HACD3: variants seen among roughly 807,000 people sequenced by gnomAD.
HACD3 encodes very-long-chain (3R)-3-hydroxyacyl-CoA dehydratase 3.
HACD3 carries 30 observed loss-of-function variants against 55.2 expected under a neutral mutation model. The ratio of observed to expected loss-of-function variants is 0.54; its 90% CI spans 0.41 to 0.74. HACD3 has a LOEUF of 0.74. Ranked by LOEUF, HACD3 falls within the 30% of genes least tolerant of loss-of-function variation. HACD3 has a pLI of 0.00. For synonymous variants in HACD3, 141 were observed against 151.7 expected, an observed-to-expected ratio of 0.93 and a Z score of 0.52; for missense variants, 363 against 440.1, an observed-to-expected ratio of 0.82 and a Z score of 1.57.
Position 65,558,717 on chromosome 15 carries a change from A to G in HACD3, c.407A>G (p.Glu136Gly). The change falls in exon 5 of 11, where the codon GAA becomes GGA. Residue 136 changes from glutamate to glycine, a missense_variant. By Grantham distance (98) the Glu-to-Gly change is moderately conservative (BLOSUM62 -2). Coordinates refer to ENST00000261875, the MANE Select transcript of HACD3 (RefSeq NM_016395.4). ...ERLNKLRLES[E>G]GSPETLTNLR... is the part of the protein sequence containing the mutation. Reference sequence around the variant, plus strand: ...CTAAATAAACTCCGACTGGAAAGCGAAGGCTCTCCTGAAAGTAAGTTGTGC... The same window carrying G: ...CTAAATAAACTCCGACTGGAAAGCGGAGGCTCTCCTGAAAGTAAGTTGTGC... 1 of 1,601,982 alleles carries G rather than the reference A, an allele frequency of 6.2e-7. No homozygotes were observed. The highest frequency in any genetic ancestry group is 8.5e-7 in the Non-Finnish European group (1 of 1,174,004).
At chr15:65,546,426 G>A (rs1415373765) in intron 1 of HACD3, among the ~76,000 whole-genome samples, 1 of 152,094 alleles carries the variant, frequency 6.6e-6, no homozygotes, top group African/African-American at 2.4e-5. Flanking sequence ...TATGATGTCT[G>A]CAGCTCATTT....
intron 10 of HACD3, among the ~76,000 whole-genome samples, 163 bp downstream of exon 10, chr15:65,572,529 G>A (rs2072358065): frequency 6.6e-6 from 1 of 152,114 alleles, no homozygotes; most frequent in African/African-American, 2.4e-5. Flanking sequence ...GCTATGGTAA[G>A]GAAATATTTC....
chr15:65,547,854 G>C (rs2072092506), intron 1 of HACD3, among the ~76,000 whole-genome samples: 1 of 152,212 alleles, frequency 6.6e-6, no homozygotes. Flanking sequence ...TGAGGCATTA[G>C]GTATATGGAA....
chr15:65,555,458 TC>T (rs2072180032), intron 3 of HACD3, among the ~76,000 whole-genome samples: 1 of 152,286 alleles, frequency 6.6e-6, no homozygotes, highest in Admixed American at 6.5e-5. Context: ...CATCAAAACT[TC>T]CCTTCCCTTA....
chr15:65,543,373 T>C (rs1244206706), intron 1 of HACD3, among the ~76,000 whole-genome samples: 1 of 152,180 alleles, frequency 6.6e-6, no homozygotes, highest in Non-Finnish European at 1.5e-5. Flanking sequence ...TTTTTTCTTA[T>C]TTTCCACAGG....
Position 65,576,571 on chromosome 15 carries a change from T to TACAATAA in HACD3, c.*192_*193insACAATAA, listed in dbSNP as rs2072403560. 3.1e-6 allele frequency: 2 copies of TACAATAA among 637,228 alleles called. No homozygotes were observed. The highest frequency in any genetic ancestry group is 5.7e-5 in the East Asian group (2 of 35,272). The allele number at this position is 637,228 out of a possible 1,614,324, so 39.5% of individuals were successfully genotyped here. The stretch of plus-strand genomic sequence containing the variant: ...GTAGTACTTGCATGACATGGATTCC[T>TACAATAA]GATATCTGATGAGAGGTTCATTCTT... On this transcript the variant is annotated 3_prime_UTR_variant, in exon 11 of 11. Coordinates refer to ENST00000261875, the MANE Select transcript of HACD3 (RefSeq NM_016395.4).
At chr15:65,544,987 C>CT (rs1173677215) in intron 1 of HACD3, among the ~76,000 whole-genome samples, 9 of 150,600 alleles carry the variant, frequency 6.0e-5, no homozygotes, top group African/African-American at 1.7e-4. Flanking sequence ...CACCATTGCA[C>CT]TCCAGCCTGG....
chr15:65,547,744 C>G (rs2456009), intron 1 of HACD3, among the ~76,000 whole-genome samples: 27 of 152,124 alleles, frequency 1.8e-4, no homozygotes, highest in East Asian at 1.2e-3. Flanking sequence ...AAACTCTTGT[C>G]TAAAGGGTTA....
chr15:65,558,551 A>G (rs895907270), intron 4 of HACD3, 129 bp from the exon 5 acceptor site: 1 of 805,000 alleles, frequency 1.2e-6, no homozygotes, highest in Non-Finnish European at 2.1e-6. Flanking sequence ...ATATTCTCCC[A>G]ATGATGCACT....
intron 5 of HACD3, among the ~76,000 whole-genome samples, chr15:65,562,464 A>G (rs751033937): frequency 9.2e-5 from 14 of 152,300 alleles, no homozygotes; most frequent in Middle Eastern, 3.4e-3. Flanking sequence ...CTATATATAC[A>G]TATACACATA....
intron 10 of HACD3, chr15:65,574,279 A>G (rs962256623): frequency 6.6e-6 from 1 of 151,900 alleles, no homozygotes; most frequent in African/African-American, 2.4e-5. Flanking sequence ...CTCCAAGCTC[A>G]CTCTTGTGGC....
At chr15:65,558,508 G>A (rs943102006) in intron 4 of HACD3, among the ~76,000 whole-genome samples, 172 bp from the exon 5 acceptor site, 10 of 152,200 alleles carry the variant, frequency 6.6e-5, no homozygotes, top group Admixed American at 5.2e-4. Flanking sequence ...TGCTTAGTAA[G>A]CAGGAGTCAG....
At chr15:65,532,267 A>C (rs1055927753) in intron 1 of HACD3, among the ~76,000 whole-genome samples, 1 of 152,108 alleles carries the variant, frequency 6.6e-6, no homozygotes, top group Non-Finnish European at 1.5e-5. Context: ...AAAAACAAAC[A>C]AAATCTTTTG....
At chr15:65,534,787 T>C (rs2071939046) in intron 1 of HACD3, among the ~76,000 whole-genome samples, 1 of 152,228 alleles carries the variant, frequency 6.6e-6, no homozygotes, top group Admixed American at 6.5e-5. Context: ...ATATGAACAG[T>C]AGTGCCTAAC....
intron 1 of HACD3, 78 bp downstream of exon 1, chr15:65,530,796 C>T: frequency 7.4e-7 from 1 of 1,350,178 alleles, no homozygotes. Context: ...CCCCCTTTGT[C>T]CGCGTGCGCG....
chr15:65,534,157 T>G (rs960539185), intron 1 of HACD3, among the ~76,000 whole-genome samples: 2 of 152,250 alleles, frequency 1.3e-5, no homozygotes, highest in Non-Finnish European at 2.9e-5. Flanking sequence ...TTGTCTATCA[T>G]TAAGCTAGGT....
At chr15:65,555,990 T>C (rs1015660701) in intron 3 of HACD3, among the ~76,000 whole-genome samples, 2 of 152,150 alleles carry the variant, frequency 1.3e-5, no homozygotes, top group Non-Finnish European at 2.9e-5. Context: ...GCCTTTCTTA[T>C]CCTGATATCC....
chr15:65,576,446 G>C lies in HACD3; in HGVS notation c.*67G>C, dbSNP rs1412466261. 2 of 1,476,538 alleles carry C rather than the reference G, an allele frequency of 1.4e-6. No homozygotes were observed. The highest frequency in any genetic ancestry group is 2.9e-5 in the African/African-American group (2 of 69,760). The allele number at this position is 1,476,538 out of a possible 1,614,324, so 91.5% of individuals were successfully genotyped here. On this transcript the variant is annotated 3_prime_UTR_variant, in exon 11 of 11. Transcript: ENST00000261875. The stretch of plus-strand genomic sequence containing the variant: ...CTGATTCTTACAGTTTTACCTTCTT[G>C]AACCAATGTAAAAGTTTTTTTAATG...
chr15:65,537,956 AAAATATATAT>A (rs2071978583), intron 1 of HACD3, among the ~76,000 whole-genome samples: 1 of 3,070 alleles, frequency 3.3e-4, no homozygotes, highest in Non-Finnish European at 8.7e-4. Context: ...AAAAAAAAAA[AAAATATATAT>A]ATATATATAT....
Sources: allele counts gnomAD v4.1 joint callset (sites outside exome capture counted in the v4.1 genomes callset), GRCh38; gene constraint gnomAD v4.1.1; transcripts MANE v1.5; gene names NCBI Gene and HGNC (gene_info 2026-07-23, HGNC 2026-07-21).